SLC35D2: variants seen among roughly 807,000 people sequenced by gnomAD.
SLC35D2 encodes nucleotide sugar transporter SLC35D2.
SLC35D2 carries 43 observed loss-of-function variants against 41.8 expected under a neutral mutation model. The ratio of observed to expected loss-of-function variants is 1.03; its 90% CI spans 0.81 to 1.33. SLC35D2 has a LOEUF of 1.33. Among genes scored for constraint, SLC35D2 ranks in the 40% most tolerant of loss-of-function variants. The probability of loss-of-function intolerance (pLI) is 0.00; values close to 1 mark genes in which losing one functional copy is unlikely to be tolerated. For synonymous variants in SLC35D2, 150 were observed against 163.9 expected, an observed-to-expected ratio of 0.92 and a Z score of 0.65; for missense variants, 380 against 408.4, an observed-to-expected ratio of 0.93 and a Z score of 0.60.
chr9:96,337,064 T>C (rs1446532613), intron 8 of SLC35D2, among the ~76,000 whole-genome samples: 1 of 152,240 alleles, frequency 6.6e-6, no homozygotes, highest in African/African-American at 2.4e-5. Context: ...ACTGTGCTGA[T>C]GGCCAGCACA....
At chr9:96,343,336 G>T (rs568000396) in intron 8 of SLC35D2, among the ~76,000 whole-genome samples, 1 of 152,312 alleles carries the variant, frequency 6.6e-6, no homozygotes, top group Non-Finnish European at 1.5e-5. Context: ...TTCAAATGTG[G>T]ATCCTGGAAT....
chr9:96,332,520 T>G (rs1032244028), intron 9 of SLC35D2, among the ~76,000 whole-genome samples: 2 of 152,146 alleles, frequency 1.3e-5, no homozygotes, highest in Non-Finnish European at 2.9e-5. Flanking sequence ...GGCTCACACC[T>G]GTAATCCCAG....
intron 1 of SLC35D2, among the ~76,000 whole-genome samples, chr9:96,378,145 G>A (rs1831033560): frequency 6.6e-6 from 1 of 151,918 alleles, no homozygotes; most frequent in Admixed American, 6.6e-5. Context: ...GGAAATTACT[G>A]TGTCTAAACC....
chr9:96,325,956 A>C (rs1336381071), intron 9 of SLC35D2, among the ~76,000 whole-genome samples: 2 of 152,152 alleles, frequency 1.3e-5, no homozygotes, highest in African/African-American at 4.8e-5. Flanking sequence ...TCAGAATATC[A>C]AGCTTTACAA....
chr9:96,360,118 G>A, intron 4 of SLC35D2, 36 bp downstream of exon 4: 1 of 1,523,490 alleles, frequency 6.6e-7, no homozygotes, highest in South Asian at 1.1e-5. Context: ...GCACAGAGGT[G>A]AGGAACTTTC....
chr9:96,328,750 G>A (rs1828667330), intron 9 of SLC35D2, among the ~76,000 whole-genome samples: 1 of 152,090 alleles, frequency 6.6e-6, no homozygotes, highest in Admixed American at 6.6e-5. Context: ...AATATTCACA[G>A]GCCACTTTTG....
intron 6 of SLC35D2, among the ~76,000 whole-genome samples, chr9:96,346,081 G>A (rs1254613746): frequency 1.3e-5 from 2 of 152,194 alleles, no homozygotes; most frequent in African/African-American, 4.8e-5. Context: ...TGCAGACAGT[G>A]CTAGGCCATG....
At chr9:96,332,968 G>A (rs959057629) in intron 9 of SLC35D2, among the ~76,000 whole-genome samples, 5 of 148,336 alleles carry the variant, frequency 3.4e-5, no homozygotes, top group Non-Finnish European at 5.9e-5. Context: ...GCACGATCTC[G>A]GCTCACTGCA....
chr9:96,354,766 CAAAAAAA>C (rs59013884), intron 4 of SLC35D2, among the ~76,000 whole-genome samples: 8 of 46,744 alleles, frequency 1.7e-4, no homozygotes, highest in African/African-American at 4.1e-4. Context: ...GACTCCATCT[CAAAAAAA>C]AAAAAAAAAA....
intron 9 of SLC35D2, among the ~76,000 whole-genome samples, chr9:96,332,783 C>T (rs1028177693): frequency 4.0e-5 from 6 of 150,546 alleles, no homozygotes; most frequent in Non-Finnish European, 7.4e-5. Context: ...CATCTTAAAA[C>T]AAAAAAGACC....
chr9:96,331,194 G>A (rs757104333), intron 9 of SLC35D2, among the ~76,000 whole-genome samples: 4 of 152,128 alleles, frequency 2.6e-5, no homozygotes, highest in South Asian at 2.1e-4. Context: ...CACCATGCCC[G>A]CATGATGATG....
At chr9:96,359,468 T>A (rs1389055854) in intron 4 of SLC35D2, among the ~76,000 whole-genome samples, 1 of 151,906 alleles carries the variant, frequency 6.6e-6, no homozygotes, top group African/African-American at 2.4e-5. Flanking sequence ...AGCGGATGGA[T>A]CACCTGAGGT....
chr9:96,345,284 G>A lies in SLC35D2; in HGVS notation c.591+15C>T, dbSNP rs753318682. The A allele has an allele frequency of 7.5e-6, 11 of 1,462,418 alleles. No individual in the cohort carries two copies. The highest frequency in any genetic ancestry group is 2.3e-5 in the East Asian group (1 of 43,726). 90.6% of individuals were successfully genotyped at this position (1,462,418 alleles called of 1,614,324 possible). The stretch of plus-strand genomic sequence containing the variant: ...CAGATGACAGAGCCAAAAAGCCATA[G>A]GCAAGGTCTGGTACCTTTGGGTCCA... On this transcript the variant is annotated intron_variant, in intron 7 of 11. Coordinates refer to ENST00000253270, the MANE Select transcript of SLC35D2 (RefSeq NM_007001.3).
chr9:96,341,713 T>C (rs1209780186), intron 8 of SLC35D2, among the ~76,000 whole-genome samples: 1 of 152,222 alleles, frequency 6.6e-6, no homozygotes, highest in Non-Finnish European at 1.5e-5. Context: ...AACACCATGC[T>C]ACAAGTTTAT....
At chr9:96,382,495 AC>A (rs1222360626) in intron 1 of SLC35D2, among the ~76,000 whole-genome samples, 3,526 of 126,202 alleles carry the variant, frequency 0.028, 60 homozygotes, top group Middle Eastern at 0.067. Flanking sequence ...ACACACACAC[AC>A]TATATATATA....
rs57775451 is a variant in SLC35D2 at position 96,324,549 on chromosome 9, C to CTTTTTTTTTTTTTTTTTTTTTTTTT, written c.753-381_753-380insAAAAAAAAAAAAAAAAAAAAAAAAA. Among the ~76,000 whole-genome samples, 448 of 117,622 alleles carry CTTTTTTTTTTTTTTTTTTTTTTTTT rather than the reference C, an allele frequency of 3.8e-3. 25 individuals are homozygous for CTTTTTTTTTTTTTTTTTTTTTTTTT. Among genetic ancestry groups the CTTTTTTTTTTTTTTTTTTTTTTTTT allele is most frequent in the East Asian group, 0.015 (46 of 3,168 alleles). The allele number at this position is 117,622 out of a possible 152,430, so 77.2% of individuals were successfully genotyped here. ...CTGTGCCTCAGAATCGCCTGCTGCACTTTTTTTTTTTTTTTTTGGTGGGGA... is the reference window on the plus strand; with the variant it reads ...CTGTGCCTCAGAATCGCCTGCTGCACTTTTTTTTTTTTTTTTTTTTTTTTTTTTTTTTTTTTTTTTTTGGTGGGGA... On this transcript the variant is annotated intron_variant, in intron 9 of 11. Transcript: ENST00000253270.
At chr9:96,381,374 G>A (rs962075671) in intron 1 of SLC35D2, among the ~76,000 whole-genome samples, 2 of 152,170 alleles carry the variant, frequency 1.3e-5, no homozygotes, top group Non-Finnish European at 2.9e-5. Context: ...CCCCACACAG[G>A]CCAGCAATCC....
chr9:96,324,925 G>A (rs1440468785), intron 9 of SLC35D2, among the ~76,000 whole-genome samples: 1 of 152,110 alleles, frequency 6.6e-6, no homozygotes, highest in African/African-American at 2.4e-5. Flanking sequence ...TTTGAGGTGG[G>A]GCCCCGACCG....
chr9:96,318,035 C>A (rs1367073040), downstream of SLC35D2, among the ~76,000 whole-genome samples: 64 of 140,784 alleles, frequency 4.5e-4, no homozygotes, highest in Admixed American at 7.9e-4. Context: ...GACGTTGTCT[C>A]AAAAAAAAAA....
Sources: gnomAD v4.1 joint callset for allele counts (sites outside exome capture counted in the v4.1 genomes callset) on GRCh38, gnomAD v4.1.1 for gene constraint, MANE v1.5 for transcripts, NCBI Gene and HGNC (gene_info 2026-07-23, HGNC 2026-07-21) for gene names.